The following ZNF490 variants were observed in gnomAD, a reference collection of about 807,000 sequenced individuals.
ZNF490 encodes zinc finger protein 490.
Under a neutral mutation model 17.7 loss-of-function variants are expected in ZNF490, and 11 were observed. The observed-to-expected ratio is 0.62, with a 90% CI of 0.39 to 1.03. ZNF490 has a LOEUF of 1.03. Ranked by LOEUF, ZNF490 falls within the 50% of genes least tolerant of loss-of-function variation. The pLI is 0.00. For missense variants in ZNF490, 542 were observed against 643.4 expected (o/e 0.84, Z 1.71); for synonymous variants, 222 against 216.1 (o/e 1.03, Z -0.24).
Position 12,583,419 on chromosome 19 carries a change from G to A in ZNF490, c.289+11C>T. The A allele has an allele frequency of 6.3e-7, 1 of 1,578,806 alleles. No individual in the cohort carries two copies. The highest frequency in any genetic ancestry group is 8.6e-7 in the Non-Finnish European group (1 of 1,161,204). ...CTCCTTAATTAAGTAGAGAAATTAT[G>A]TCACCCTTACCTATACAGGCCAGGT... On this transcript the variant is annotated intron_variant, in intron 3 of 4. Coordinates refer to ENST00000311437, the MANE Select transcript of ZNF490 (RefSeq NM_020714.3).
chr19:12,609,904 G>T (rs1057016827), intron 1 of ZNF490: 2 of 455,122 alleles, frequency 4.4e-6, no homozygotes, highest in Admixed American at 4.7e-5. Flanking sequence ...TGGGTGATGG[G>T]TGCACTAAAA....
chr19:12,589,568 C>CTTCT lies in ZNF490; in HGVS notation c.163-6013_163-6012insAGAA, dbSNP rs1398446143. Among the ~76,000 whole-genome samples the CTTCT allele has an allele frequency of 7.7e-4, 97 of 125,718 alleles. 1 individual carries two copies. Among genetic ancestry groups the CTTCT allele is most frequent in the African/African-American group, 2.6e-3 (91 of 35,008 alleles). The allele number at this position is 125,718 out of a possible 152,430, so 82.5% of individuals were successfully genotyped here. On this transcript the variant is annotated intron_variant, in intron 2 of 4. Transcript: ENST00000311437. ...GAATAGAAGGGAATTTCTTCTTCTT[C>CTTCT]TTTTTTTTTTTTTTTTTTGAGACAG...
At chr19:12,609,092 G>T in intron 2 of ZNF490, 66 bp downstream of exon 2, 1 of 1,533,162 alleles carries the variant, frequency 6.5e-7, no homozygotes, top group South Asian at 1.1e-5. Flanking sequence ...GTCATAGAAG[G>T]ACAGACCCAA....
intron 2 of ZNF490, among the ~76,000 whole-genome samples, chr19:12,603,177 C>G (rs1015747937): frequency 2.0e-5 from 3 of 152,072 alleles, no homozygotes; most frequent in African/African-American, 7.2e-5. Flanking sequence ...TTGTAATTTC[C>G]TAAGCGACTA....
At chr19:12,583,032 A>T in intron 3 of ZNF490, 122 bp from the exon 4 acceptor site, 21 of 758,360 alleles carry the variant, frequency 2.8e-5, no homozygotes, top group Non-Finnish European at 4.3e-5. Context: ...TTACTAAAGT[A>T]TTCTCTTCCC....
chr19:12,600,390 T>C (rs1228051098), intron 2 of ZNF490, among the ~76,000 whole-genome samples: 1 of 151,248 alleles, frequency 6.6e-6, no homozygotes, highest in African/African-American at 2.4e-5. Flanking sequence ...AAGAAAAGAA[T>C]TGGGTTTAAC....
At chr19:12,592,219 T>C (rs191652403) in intron 2 of ZNF490, among the ~76,000 whole-genome samples, 1 of 151,920 alleles carries the variant, frequency 6.6e-6, no homozygotes, top group Non-Finnish European at 1.5e-5. Context: ...GCCTATCATC[T>C]CAGCTACTCG....
In ZNF490 at chr19:12,580,243, A is replaced by G. The variant is rs1183050424; in HGVS notation, c.*242T>C. ...AAGTGAAGGCTTTCCTACACTCCATACATTCGTAGCTTTTCTGTCCATGGA... is the reference window on the plus strand; with the variant it reads ...AAGTGAAGGCTTTCCTACACTCCATGCATTCGTAGCTTTTCTGTCCATGGA... On this transcript the variant is annotated 3_prime_UTR_variant, in exon 5 of 5. Transcript: ENST00000311437. 2 of 1,276,172 alleles carry G rather than the reference A, an allele frequency of 1.6e-6. No individual in the cohort carries two copies. Among genetic ancestry groups the G allele is most frequent in the Non-Finnish European group, 2.0e-6 (2 of 1,011,776 alleles). 79.1% of individuals were successfully genotyped at this position (1,276,172 alleles called of 1,614,324 possible).
At chr19:12,606,215 C>CA (rs1005916452) in intron 2 of ZNF490, among the ~76,000 whole-genome samples, 1 of 150,662 alleles carries the variant, frequency 6.6e-6, no homozygotes, top group Non-Finnish European at 1.5e-5. Flanking sequence ...ATTTTAGAGA[C>CA]AGAGACTCAC....
intron 4 of ZNF490, among the ~76,000 whole-genome samples, chr19:12,582,148 G>A (rs754849170): frequency 6.6e-5 from 10 of 152,186 alleles, no homozygotes; most frequent in Non-Finnish European, 1.2e-4. Context: ...TGATCCGCTC[G>A]CCTCAGCCTC....
In ZNF490 at chr19:12,588,116, T is replaced by TCG. The variant is rs377380575; in HGVS notation, c.163-4561_163-4560insCG. ...AACTCCTGACCTCAGGCGATCCGCC[T>TCG]GCCTCCCAAAGTGCTGAGATTACAA... On this transcript the variant is annotated intron_variant, in intron 2 of 4. Transcript: ENST00000311437. Among the ~76,000 whole-genome samples the TCG allele has an allele frequency of 5.8e-4, 18 of 31,226 alleles. 6 individuals are homozygous for TCG. The highest frequency in any genetic ancestry group is 2.0e-3 in the Non-Finnish European group (14 of 6,954). 20.5% of individuals were successfully genotyped at this position (31,226 alleles called of 152,430 possible).
intron 2 of ZNF490, among the ~76,000 whole-genome samples, chr19:12,588,962 A>C (rs1849842496): frequency 1.3e-5 from 2 of 152,216 alleles, no homozygotes; most frequent in Admixed American, 6.5e-5. Flanking sequence ...GCTGAAATGT[A>C]GACGATTGAA....
chr19:12,597,079 G>C (rs1347318815), intron 2 of ZNF490: 2 of 457,368 alleles, frequency 4.4e-6, no homozygotes, highest in African/African-American at 4.0e-5. Context: ...AGGGGGACTC[G>C]GGTCTTCCCA....
At chr19:12,590,039 G>A (rs543374564) in intron 2 of ZNF490, among the ~76,000 whole-genome samples, 4 of 148,296 alleles carry the variant, frequency 2.7e-5, no homozygotes, top group Admixed American at 6.8e-5. Context: ...CTCAGCCTCC[G>A]GAGTAGCTGG....
At chr19:12,606,773 CACA>C (rs1168083477) in intron 2 of ZNF490, among the ~76,000 whole-genome samples, 1 of 152,048 alleles carries the variant, frequency 6.6e-6, no homozygotes, top group Non-Finnish European at 1.5e-5. Flanking sequence ...CATGACCATT[CACA>C]AGTATCATTT....
In ZNF490 at chr19:12,589,016, G is replaced by A. The variant is rs544718702; in HGVS notation, c.163-5460C>T. On this transcript the variant is annotated intron_variant, in intron 2 of 4. Coordinates refer to ENST00000311437, the MANE Select transcript of ZNF490 (RefSeq NM_020714.3). ...ATGATCTGTAATCAATAATCTCAGT[G>A]TCTAACTTAAAAAACTAATAACAGG... 4.6e-5 allele frequency among the ~76,000 whole-genome samples: 7 copies of A among 152,216 alleles called. No individual in the cohort carries two copies. In the South Asian group the frequency reaches 1.5e-3, roughly 32 times the overall value.
Position 12,576,813 on chromosome 19 carries a change from CAAAAAAA to C in ZNF490, c.*3665_*3671del, listed in dbSNP as rs149742929. The stretch of plus-strand genomic sequence containing the variant: ...GCCTGGCAACAGTGAGAATCCATCT[CAAAAAAA>C]AAAAAAAAAAAAAAAACCTAAAAGC... On this transcript the variant is annotated 3_prime_UTR_variant, in exon 5 of 5. Coordinates refer to ENST00000311437, the MANE Select transcript of ZNF490 (RefSeq NM_020714.3). 1.9e-4 allele frequency among the ~76,000 whole-genome samples: 7 copies of C among 37,538 alleles called. No individual in the cohort carries two copies. In the East Asian group the frequency reaches 2.0e-3, roughly 11 times the overall value. The allele number at this position is 37,538 out of a possible 152,430, so 24.6% of individuals were successfully genotyped here.
rs868715077 is a variant in ZNF490, at chr19:12,602,079, T to C, written c.162+7079A>G. Among the ~76,000 whole-genome samples the C allele has an allele frequency of 4.9e-3, 338 of 68,648 alleles. 4 individuals are homozygous for C. Among genetic ancestry groups the C allele is most frequent in the East Asian group, 0.015 (61 of 4,030 alleles). 45.0% of individuals were successfully genotyped at this position (68,648 alleles called of 152,430 possible). A position where few individuals can be genotyped will look rare whatever the true frequency, so the allele number is the denominator to read the frequency against. ...CGTTTTTGAAACTCAGTTCACTATA[T>C]ACACACACACACACACACACACACA... On this transcript the variant is annotated intron_variant, in intron 2 of 4. Transcript: ENST00000311437.
chr19:12,595,145 CTCTT>C (rs936328612), intron 2 of ZNF490, among the ~76,000 whole-genome samples: 14 of 152,130 alleles, frequency 9.2e-5, no homozygotes, highest in Admixed American at 1.3e-4. Context: ...CCTTTTCTCT[CTCTT>C]TTTTTTTTTG....
Sources: allele counts gnomAD v4.1 joint callset (sites outside exome capture counted in the v4.1 genomes callset), GRCh38; gene constraint gnomAD v4.1.1; transcripts MANE v1.5; gene names NCBI Gene and HGNC (gene_info 2026-07-23, HGNC 2026-07-21).